The following PTPN14 variants were observed in gnomAD, a reference collection of about 807,000 sequenced individuals.
The protein encoded by PTPN14 is protein tyrosine phosphatase non-receptor type 14.
Under a neutral mutation model 126.8 loss-of-function variants are expected in PTPN14, and 53 were observed. That is an observed-to-expected ratio of 0.42 (90% CI 0.34 to 0.53). PTPN14 has a LOEUF of 0.53. Among genes scored for constraint, PTPN14 ranks in the 20% least tolerant of loss-of-function variants. The pLI, the probability that PTPN14 is intolerant of heterozygous loss-of-function variation, is 0.08. For synonymous variants in PTPN14, 630 were observed against 599.3 expected, an observed-to-expected ratio of 1.05 and a Z score of -0.75; for missense variants, 1,257 against 1,552.9, an observed-to-expected ratio of 0.81 and a Z score of 3.20.
intron 9 of PTPN14, among the ~76,000 whole-genome samples, chr1:214,394,533 G>C (rs757150789): frequency 6.6e-6 from 1 of 152,062 alleles, no homozygotes; most frequent in African/African-American, 2.4e-5. Flanking sequence ...TCAGCCTCCC[G>C]AGTAGCTGGG....
At chr1:214,505,638 G>C (rs1218916934) in intron 1 of PTPN14, among the ~76,000 whole-genome samples, 2 of 152,220 alleles carry the variant, frequency 1.3e-5, no homozygotes, top group Admixed American at 1.3e-4. Context: ...TCTCACGCCT[G>C]TAACCCCAAA....
intron 13 of PTPN14, among the ~76,000 whole-genome samples, chr1:214,379,915 G>C (rs1055111197): frequency 6.6e-6 from 1 of 152,040 alleles, no homozygotes; most frequent in Non-Finnish European, 1.5e-5. Flanking sequence ...CTGTGTGACA[G>C]GTGTGTACCC....
intron 6 of PTPN14, 70 bp from the exon 7 acceptor site, chr1:214,401,842 G>A (rs1659026539): frequency 7.9e-7 from 1 of 1,261,220 alleles, no homozygotes; most frequent in Admixed American, 1.9e-5. Flanking sequence ...CTCTCCTGAT[G>A]GCAAATTCCA....
intron 7 of PTPN14, among the ~76,000 whole-genome samples, chr1:214,400,916 TAA>T (rs897046992): frequency 1.2e-4 from 18 of 152,182 alleles, no homozygotes; most frequent in South Asian, 2.1e-4. Flanking sequence ...TGAACACTTA[TAA>T]AACAGCCAGT....
At chr1:214,376,803 A>C (rs1658353014) in intron 14 of PTPN14, among the ~76,000 whole-genome samples, 2 of 152,186 alleles carry the variant, frequency 1.3e-5, no homozygotes, top group Non-Finnish European at 2.9e-5. Context: ...ACTGGTCCAC[A>C]GTTCTATAGC....
At chr1:214,534,340 T>G (rs1655641338) in intron 1 of PTPN14, among the ~76,000 whole-genome samples, 1 of 152,228 alleles carries the variant, frequency 6.6e-6, no homozygotes. Flanking sequence ...ATAGTGATAC[T>G]TTTTGTAATA....
At chr1:214,426,605 G>C (rs186031482) in intron 3 of PTPN14, among the ~76,000 whole-genome samples, 18 of 152,234 alleles carry the variant, frequency 1.2e-4, no homozygotes, top group Admixed American at 1.2e-3. Context: ...TAGGACATGG[G>C]TAGAGGGATG....
chr1:214,475,616 T>C (rs1185635179), intron 1 of PTPN14, among the ~76,000 whole-genome samples: 3 of 152,204 alleles, frequency 2.0e-5, no homozygotes, highest in African/African-American at 7.2e-5. Flanking sequence ...CAATGATGTA[T>C]GTCCTGGAAT....
At chr1:214,396,594 C>T (rs887867941) in intron 8 of PTPN14, among the ~76,000 whole-genome samples, 1 of 152,212 alleles carries the variant, frequency 6.6e-6, no homozygotes, top group Admixed American at 6.5e-5. Context: ...ATTAACATGA[C>T]ACTACAGTAG....
intron 11 of PTPN14, 36 bp from the exon 12 acceptor site, chr1:214,386,958 G>A (rs757445192): frequency 9.2e-6 from 14 of 1,518,880 alleles, no homozygotes; most frequent in East Asian, 2.3e-5. Flanking sequence ...GGGGAGGCCT[G>A]GGCAGACACG....
At chr1:214,415,518 A>C (rs1046423537) in intron 3 of PTPN14, among the ~76,000 whole-genome samples, 5 of 152,206 alleles carry the variant, frequency 3.3e-5, no homozygotes, top group Non-Finnish European at 7.3e-5. Flanking sequence ...TCTAGCATTA[A>C]TTCCTGGTAA....
chr1:214,507,925 G>A (rs1297222981), intron 1 of PTPN14, among the ~76,000 whole-genome samples: 3 of 152,048 alleles, frequency 2.0e-5, no homozygotes, highest in Non-Finnish European at 4.4e-5. Context: ...AGGCTGCAGT[G>A]AGCTATGATT....
chr1:214,532,891 G>GC, intron 1 of PTPN14: 1 of 1,022,938 alleles, frequency 9.8e-7, no homozygotes, highest in Non-Finnish European at 1.5e-6. Flanking sequence ...GGAGGTTGAT[G>GC]CCCCCAAATC....
chr1:214,449,132 G>C (rs1260518230), intron 3 of PTPN14, among the ~76,000 whole-genome samples: 1 of 146,934 alleles, frequency 6.8e-6, no homozygotes, highest in East Asian at 2.0e-4. Context: ...TCAGCCTCCC[G>C]AGTAGCTGGG....
chr1:214,384,855 T>TG lies in PTPN14; in HGVS notation c.1067-68_1067-67insC. ...CCTGCCACAACAAAGTACATCCTCA[T>TG]ACTCATGAGGTGACTTTTAATTTAA... On this transcript the variant is annotated intron_variant, in intron 12 of 18. Transcript: ENST00000366956. This position sits in a 1 kb window ranked among gnomAD's most constrained non-coding sequence, Gnocchi z 5.3. The TG allele has an allele frequency of 6.5e-7, 1 of 1,531,684 alleles. No homozygotes were observed. Among genetic ancestry groups the TG allele is most frequent in the Non-Finnish European group, 8.8e-7 (1 of 1,137,180 alleles). 94.9% of individuals were successfully genotyped at this position (1,531,684 alleles called of 1,614,324 possible).
intron 13 of PTPN14, among the ~76,000 whole-genome samples, chr1:214,379,032 C>T (rs1014880859): frequency 6.6e-6 from 1 of 152,220 alleles, no homozygotes; most frequent in Admixed American, 6.5e-5. Context: ...GTCCTTGAAA[C>T]TAACCGAGTA....
At position 214,439,618 on chromosome 1, in the gene PTPN14, TG is replaced by T. The variant is rs1659994359; in HGVS notation, c.344+12186del. On this transcript the variant is annotated intron_variant, in intron 3 of 18. Transcript: ENST00000366956. The stretch of plus-strand genomic sequence containing the variant: ...GAGCTGACCTTGAGAGTTAGGAGGC[TG>T]TAAACCGAAACATGTTGCAACATGT... Among the ~76,000 whole-genome samples, 3 of 152,202 alleles carry T rather than the reference TG, an allele frequency of 2.0e-5. No homozygotes were observed. In the South Asian group the frequency reaches 6.2e-4, roughly 31 times the overall value.
chr1:214,539,685 A>G (rs2102481328), intron 1 of PTPN14, among the ~76,000 whole-genome samples: 1 of 152,218 alleles, frequency 6.6e-6, no homozygotes, highest in South Asian at 2.1e-4. Context: ...GGGAGGAGTG[A>G]GAAAGGCAAT....
intron 3 of PTPN14, among the ~76,000 whole-genome samples, chr1:214,430,758 T>C (rs1356879044): frequency 6.6e-6 from 1 of 152,228 alleles, no homozygotes; most frequent in Non-Finnish European, 1.5e-5. Context: ...TGGAGATCAC[T>C]GAATAATGCC....
Sources: allele counts gnomAD v4.1 joint callset (sites outside exome capture counted in the v4.1 genomes callset), GRCh38; gene constraint gnomAD v4.1.1; non-coding constraint Gnocchi (gnomAD v3.1); transcripts MANE v1.5; gene names NCBI Gene and HGNC (gene_info 2026-07-23, HGNC 2026-07-21).